FANCM: variants seen among roughly 807,000 people sequenced by gnomAD.
FANCM encodes the protein FA complementation group M.
Under a neutral mutation model 199.5 loss-of-function variants are expected in FANCM, and 140 were observed. That is an observed-to-expected ratio of 0.70 (90% CI 0.61 to 0.81). The LOEUF is 0.81. Ranked by LOEUF, FANCM falls within the 30% of genes least tolerant of loss-of-function variation. The pLI is 0.00. For synonymous variants in FANCM, 840 were observed against 836.8 expected (o/e 1.00, Z -0.07); for missense variants, 2,410 against 2,421.4 (o/e 1.00, Z 0.10).
intron 5 of FANCM, among the ~76,000 whole-genome samples, chr14:45,152,912 A>T (rs923751656): frequency 6.6e-6 from 1 of 152,216 alleles, no homozygotes; most frequent in Admixed American, 6.5e-5. Flanking sequence ...CTTTAAAAAG[A>T]TGTTTTGATT....
Position 45,175,281 on chromosome 14 carries a change from ACTC to A in FANCM, c.2528_2530del (p.Thr843_His844delinsAsn), listed in dbSNP as rs1294513028. 1 of 1,596,654 alleles carries A rather than the reference ACTC, an allele frequency of 6.3e-7. No homozygotes were observed. The highest frequency in any genetic ancestry group is 1.2e-5 in the South Asian group (1 of 86,782). ...AGAATGTGCTGAAATTGTTAAACAA[ACTC>A]ATATCAAACCTACTAAAATTGTTTC... On this transcript the variant is annotated inframe_deletion, in exon 14 of 23. Coordinates refer to ENST00000267430, the MANE Select transcript of FANCM (RefSeq NM_020937.4).
chr14:45,190,404 A>G (rs1470999079), intron 20 of FANCM, among the ~76,000 whole-genome samples: 20 of 152,228 alleles, frequency 1.3e-4, no homozygotes, highest in Admixed American at 1.3e-3. Context: ...TGGAATGGCT[A>G]GATCAAGCTA....
At chr14:45,152,770 G>T (rs1360881927) in intron 5 of FANCM, among the ~76,000 whole-genome samples, 3 of 152,180 alleles carry the variant, frequency 2.0e-5, no homozygotes, top group Non-Finnish European at 4.4e-5. Context: ...AACCGGATAT[G>T]ATAATATAGG....
chr14:45,181,715 T>C lies in FANCM; in HGVS notation c.4386+10T>C. On this transcript the variant is annotated intron_variant, in intron 16 of 22. Coordinates refer to ENST00000267430, the MANE Select transcript of FANCM (RefSeq NM_020937.4). ...ATTTCCTATAAACAGAGTAAGTAAA[T>C]ACCAGGTAATGTATAGTAATCCAAA... is the stretch of plus-strand genomic sequence containing the variant. The C allele has an allele frequency of 6.4e-7, 1 of 1,562,492 alleles. No homozygotes were observed. Among genetic ancestry groups the C allele is most frequent in the Middle Eastern group, 1.8e-4 (1 of 5,514 alleles).
At chr14:45,187,366 T>C (rs944174049) in intron 18 of FANCM, among the ~76,000 whole-genome samples, 1 of 152,084 alleles carries the variant, frequency 6.6e-6, no homozygotes, top group East Asian at 1.9e-4. Context: ...AATTATGAAA[T>C]ATACTTTTTA....
Position 45,200,028 on chromosome 14 carries a change from GTT to G in FANCM, c.*23_*24del. The G allele has an allele frequency of 6.3e-7, 1 of 1,587,140 alleles. No homozygotes were observed. ...ATATAATCAAGCTGCTCAAGATGGG[GTT>G]TTCAAAGACCTCTCACAATATTAAA... On this transcript the variant is annotated 3_prime_UTR_variant, in exon 23 of 23. Coordinates refer to ENST00000267430, the MANE Select transcript of FANCM (RefSeq NM_020937.4).
At chr14:45,192,557 T>A (rs1446093231) in intron 20 of FANCM, among the ~76,000 whole-genome samples, 1 of 152,070 alleles carries the variant, frequency 6.6e-6, no homozygotes, top group African/African-American at 2.4e-5. Flanking sequence ...CCAGGAGAAT[T>A]GCTTGAAGCT....
At chr14:45,154,114 T>C in intron 6 of FANCM, 62 bp downstream of exon 6, 2 of 1,288,580 alleles carry the variant, frequency 1.6e-6, no homozygotes, top group South Asian at 1.2e-5. Context: ...AAAGACATAT[T>C]GAAGGGCTGG....
Position 45,175,427 on chromosome 14 carries a change from A to G in FANCM, c.2673A>G (p.Gln891=), listed in dbSNP as rs1314872979. 2 of 1,586,230 alleles carry G rather than the reference A, an allele frequency of 1.3e-6. No individual in the cohort carries two copies. Among genetic ancestry groups the G allele is most frequent in the African/African-American group, 2.7e-5 (2 of 73,520 alleles). ...DRNSTVENIF[Q]EDLPNDKRTS... ...ATTCCACTGTTGAAAATATTTTTCA[A>G]GAAGACCTACCAAATGATAAAAGGA... The change falls in exon 14 of 23, where the codon CAA becomes CAG. Residue 891 remains glutamine (Q), a synonymous_variant. Coordinates refer to ENST00000267430, the MANE Select transcript of FANCM (RefSeq NM_020937.4).
intron 2 of FANCM, among the ~76,000 whole-genome samples, chr14:45,139,205 C>G (rs1224208472): frequency 1.3e-5 from 2 of 152,160 alleles, no homozygotes; most frequent in Admixed American, 6.5e-5. Context: ...TATCTTGCAT[C>G]AGTTTTTAAT....
In FANCM at chr14:45,175,284, C is replaced by T. The variant is rs2139242067; in HGVS notation, c.2530C>T (p.His844Tyr). ...EECAEIVKQT[H>Y]IKPTKIVSLK... ...ATGTGCTGAAATTGTTAAACAAACT[C>T]ATATCAAACCTACTAAAATTGTTTC... Residue 844 changes from histidine (H) to tyrosine (Y), a missense_variant, in exon 14 of 23, where the codon CAT becomes TAT. Physicochemically the swap from His to Tyr is moderately conservative, Grantham distance 83. Coordinates refer to ENST00000267430, the MANE Select transcript of FANCM (RefSeq NM_020937.4). 3 of 1,584,922 alleles carry T rather than the reference C, an allele frequency of 1.9e-6. No homozygotes were observed. The highest frequency in any genetic ancestry group is 2.6e-6 in the Non-Finnish European group (3 of 1,168,616).
At chr14:45,199,512 G>C (rs1056473117) in intron 22 of FANCM, among the ~76,000 whole-genome samples, 8 of 152,122 alleles carry the variant, frequency 5.3e-5, no homozygotes, top group African/African-American at 9.7e-5. Context: ...AATAGAGCTA[G>C]CTAGCTCTTT....
Position 45,159,038 on chromosome 14 carries a change from T to G in FANCM, c.1397-58T>G, listed in dbSNP as rs11157433. On this transcript the variant is annotated intron_variant, in intron 8 of 22. Coordinates refer to ENST00000267430, the MANE Select transcript of FANCM (RefSeq NM_020937.4). ...ACTTTCAGGTTTGTCTTTTGAACTA[T>G]TTCTTGTCTAAATGCTTTGTAAAAA... is the stretch of plus-strand genomic sequence containing the variant. 165,620 of 1,095,286 alleles carry G rather than the reference T, an allele frequency of 0.15. 16,321 individuals carry two copies. The highest frequency in any genetic ancestry group is 0.45 in the African/African-American group (28,118 of 62,126). 67.8% of individuals were successfully genotyped at this position (1,095,286 alleles called of 1,614,324 possible).
chr14:45,167,449 T>G, intron 11 of FANCM: 2 of 361,574 alleles, frequency 5.5e-6, no homozygotes, highest in Non-Finnish European at 1.0e-5. Context: ...GTTTTATTTT[T>G]TAATAAGCAT....
Position 45,175,799 on chromosome 14 carries a change from T to C in FANCM, c.3045T>C (p.Thr1015=). 6.2e-7 allele frequency: 1 copy of C among 1,613,880 alleles called. No individual in the cohort carries two copies. The highest frequency in any genetic ancestry group is 1.3e-5 in the African/African-American group (1 of 75,062). ...TGGAATATGAAATTGCTAAGGGTAC[T>C]GCACTTGAGAATTTGCTTTTCTTAC... ...SDLEYEIAKG[T]ALENLLFLPC... The change falls in exon 14 of 23, where the codon ACT becomes ACC. Residue 1015 remains threonine, a synonymous_variant. Transcript: ENST00000267430.
rs1244570137 is a variant in FANCM, at chr14:45,185,093, T to C, written c.4516-124T>C. 3 of 742,202 alleles carry C rather than the reference T, an allele frequency of 4.0e-6. No homozygotes were observed. In the East Asian group the frequency reaches 8.1e-5, roughly 20 times the overall value. 46.0% of individuals were successfully genotyped at this position (742,202 alleles called of 1,614,324 possible). A position where few individuals can be genotyped will look rare whatever the true frequency, so the allele number is the denominator to read the frequency against. On this transcript the variant is annotated intron_variant, in intron 17 of 22. Transcript: ENST00000267430. ...CACTGCACTGGGCCTAGAAATTTTG[T>C]TTTTATTATTTTATTAATCTTAAAA...
intron 8 of FANCM, 110 bp from the exon 9 acceptor site, chr14:45,158,986 A>G: frequency 1.4e-6 from 1 of 723,584 alleles, no homozygotes; most frequent in Non-Finnish European, 2.2e-6. Flanking sequence ...TATTTTTTTG[A>G]AAGAATTATC....
At chr14:45,156,730 C>T (rs112010837) in intron 8 of FANCM, among the ~76,000 whole-genome samples, 1 of 151,936 alleles carries the variant, frequency 6.6e-6, no homozygotes, top group Non-Finnish European at 1.5e-5. Context: ...CCATCCTGGC[C>T]AACATGGTGA....
chr14:45,159,371 T>C, intron 9 of FANCM, 91 bp downstream of exon 9: 1 of 865,016 alleles, frequency 1.2e-6, no homozygotes, highest in Non-Finnish European at 1.8e-6. Context: ...ACTGGTCAAT[T>C]AGCTACTTAA....
Sources: allele counts gnomAD v4.1 joint callset (sites outside exome capture counted in the v4.1 genomes callset), GRCh38; gene constraint gnomAD v4.1.1; transcripts MANE v1.5; gene names NCBI Gene and HGNC (gene_info 2026-07-23, HGNC 2026-07-21).